The following MARK4 variants were observed in gnomAD, a reference collection of about 807,000 sequenced individuals.
The protein encoded by MARK4 is microtubule affinity regulating kinase 4, also known as MAP/microtubule affinity-regulating kinase 4.
Under a neutral mutation model 81.5 loss-of-function variants are expected in MARK4, and 19 were observed. That is an observed-to-expected ratio of 0.23 (90% confidence interval 0.16 to 0.34). The LOEUF (loss-of-function observed/expected upper bound fraction) is 0.34, where lower values mean the gene tolerates loss of function less well. Ranked by LOEUF, MARK4 falls within the 10% of genes least tolerant of loss-of-function variation. The pLI is 1.00. For missense variants in MARK4, 772 were observed against 1,058.8 expected, an observed-to-expected ratio of 0.73 and a Z score of 3.76; for synonymous variants, 436 against 439.0, an observed-to-expected ratio of 0.99 and a Z score of 0.08.
At chr19:45,266,134 T>C in intron 6 of MARK4, 91 bp from the exon 7 acceptor site, 3 of 1,343,128 alleles carry the variant, frequency 2.2e-6, no homozygotes, top group Non-Finnish European at 3.2e-6. Context: ...TGGGGAGGCC[T>C]GGGGCCCAGC....
intron 14 of MARK4, among the ~76,000 whole-genome samples, chr19:45,295,046 G>A (rs1347166675): frequency 6.6e-6 from 1 of 152,044 alleles, no homozygotes; most frequent in Admixed American, 6.6e-5. Flanking sequence ...AGAGGAATGG[G>A]GTAGTTAACA....
At position 45,265,060 on chromosome 19, in the gene MARK4, A is replaced by T. The variant is rs1439964699; in HGVS notation, c.492+150A>T. On this transcript the variant is annotated intron_variant, in intron 6 of 16. Transcript: ENST00000262891. ...AGGTGCAGAGCTGGGTGTGCTGGGCATATAGTTGCCCAGATGTGAGGGCAT... is the reference window on the plus strand; with the variant it reads ...AGGTGCAGAGCTGGGTGTGCTGGGCTTATAGTTGCCCAGATGTGAGGGCAT... The T allele has an allele frequency of 4.1e-6, 3 of 737,698 alleles. No individual in the cohort carries two copies. The African/African-American group carries it at 5.3e-5, about 13-fold the overall frequency. 45.7% of individuals were successfully genotyped at this position (737,698 alleles called of 1,614,324 possible). A position where few individuals can be genotyped will look rare whatever the true frequency, so the allele number is the denominator to read the frequency against.
chr19:45,271,072 A>G lies in MARK4; in HGVS notation c.550-400A>G, dbSNP rs1478162253. On this transcript the variant is annotated intron_variant, in intron 7 of 16. Coordinates refer to ENST00000262891, the MANE Select transcript of MARK4 (RefSeq NM_001199867.2). This position sits in a 1 kb window ranked among gnomAD's most constrained non-coding sequence, Gnocchi z 4.1. ...GGCGTGAGCCACGGTGCCCAGCCCA[A>G]TTTTTGTATTTTTAGTAGAGATGGG... 6.6e-6 allele frequency among the ~76,000 whole-genome samples: 1 copy of G among 151,812 alleles called. No homozygotes were observed. Among genetic ancestry groups the G allele is most frequent in the African/African-American group, 2.4e-5 (1 of 41,352 alleles).
intron 15 of MARK4, among the ~76,000 whole-genome samples, chr19:45,298,389 G>T (rs930092497): frequency 1.3e-5 from 2 of 152,136 alleles, no homozygotes; most frequent in African/African-American, 4.8e-5. Flanking sequence ...AGACTCGGGG[G>T]TTCAAATGGC....
chr19:45,277,651 G>A (rs894669349), intron 8 of MARK4, among the ~76,000 whole-genome samples: 2 of 151,978 alleles, frequency 1.3e-5, no homozygotes, highest in Middle Eastern at 3.4e-3. Context: ...CTCCGGTCTT[G>A]GCCTCTACGC....
At chr19:45,256,326 A>G (rs892201039) in intron 1 of MARK4, among the ~76,000 whole-genome samples, 7 of 152,186 alleles carry the variant, frequency 4.6e-5, no homozygotes, top group African/African-American at 1.7e-4. Context: ...AATCCCAGCT[A>G]CTCGGGAAAG....
chr19:45,298,111 T>G, intron 15 of MARK4, 157 bp downstream of exon 15: 1 of 1,597,828 alleles, frequency 6.3e-7, no homozygotes, highest in Non-Finnish European at 8.6e-7. Flanking sequence ...CCTCCTCCCC[T>G]GTCACCCCTC....
At chr19:45,272,230 G>T (rs1234917889) in intron 8 of MARK4, among the ~76,000 whole-genome samples, 1 of 152,198 alleles carries the variant, frequency 6.6e-6, no homozygotes, top group Non-Finnish European at 1.5e-5. Flanking sequence ...TACTTGGGAG[G>T]CTGACGCGGG....
At chr19:45,266,428 C>T (rs547765174) in intron 7 of MARK4, 147 bp downstream of exon 7, 796 of 740,508 alleles carry the variant, frequency 1.1e-3, no homozygotes, top group Non-Finnish European at 1.6e-3. Context: ...CCCAGCACCC[C>T]CTTGACCCTT....
At position 45,251,491 on chromosome 19, in the gene MARK4, C is replaced by T. The variant is rs1235916770; in HGVS notation, c.-98C>T. The T allele has an allele frequency of 4.2e-6, 3 of 716,428 alleles. No homozygotes were observed. The highest frequency in any genetic ancestry group is 2.4e-5 in the South Asian group (1 of 42,528). 44.4% of individuals were successfully genotyped at this position (716,428 alleles called of 1,614,324 possible). A position where few individuals can be genotyped will look rare whatever the true frequency, so the allele number is the denominator to read the frequency against. ...GTTCTCGGCGCCCAGCTTTTGAGCTCGCGTCCCCAGGCCGGCGGGGGGGGA... is the reference window on the plus strand; with the variant it reads ...GTTCTCGGCGCCCAGCTTTTGAGCTTGCGTCCCCAGGCCGGCGGGGGGGGA... On this transcript the variant is annotated 5_prime_UTR_variant, in exon 1 of 17. Transcript: ENST00000262891.
chr19:45,297,873 A>G lies in MARK4; in HGVS notation c.1796A>G (p.His599Arg). Residue 599 changes from histidine (H) to arginine (R), a missense_variant, in exon 15 of 17, where the codon CAT (histidine) becomes CGT (arginine). Transcript: ENST00000262891. Reference sequence around the variant, plus strand: ...CCCCCTGCCTCTCCCACACTGGCCCATGAGGCTGCACCCCTGCCCGCCGGG... The same window carrying G: ...CCCCCTGCCTCTCCCACACTGGCCCGTGAGGCTGCACCCCTGCCCGCCGGG... Reference protein sequence around the residue: ...NGPPASPTLAHEAAPLPAGRP... With the variant: ...NGPPASPTLAREAAPLPAGRP... 1 of 1,478,496 alleles carries G rather than the reference A, an allele frequency of 6.8e-7. No homozygotes were observed. The highest frequency in any genetic ancestry group is 9.1e-7 in the Non-Finnish European group (1 of 1,102,366). The allele number at this position is 1,478,496 out of a possible 1,614,324, so 91.6% of individuals were successfully genotyped here. A position where few individuals can be genotyped will look rare whatever the true frequency, so the allele number is the denominator to read the frequency against.
chr19:45,288,849 C>CA lies in MARK4; in HGVS notation c.1494+1203dup, dbSNP rs34269496. ...TGGGTGACAGAGCAAGACTCTGTCT[C>CA]AAAAAAAAAAAAAAAAAAGTCGTGG... On this transcript the variant is annotated intron_variant, in intron 13 of 16. Transcript: ENST00000262891. Among the ~76,000 whole-genome samples, 787 of 102,960 alleles carry CA rather than the reference C, an allele frequency of 7.6e-3. 25 individuals carry two copies. The highest frequency in any genetic ancestry group is 0.05 in the Middle Eastern group (10 of 200). 67.5% of individuals were successfully genotyped at this position (102,960 alleles called of 152,430 possible). A position where few individuals can be genotyped will look rare whatever the true frequency, so the allele number is the denominator to read the frequency against.
chr19:45,279,656 G>A (rs1369228183), intron 10 of MARK4, among the ~76,000 whole-genome samples: 1 of 152,162 alleles, frequency 6.6e-6, no homozygotes, highest in Non-Finnish European at 1.5e-5. Flanking sequence ...AAAATTGTCA[G>A]TACCACCAAT....
Position 45,303,184 on chromosome 19 carries a change from A to T in MARK4, c.*474A>T, listed in dbSNP as rs1971001856. 1 of 183,710 alleles carries T rather than the reference A, an allele frequency of 5.4e-6. No homozygotes were observed. The highest frequency in any genetic ancestry group is 2.4e-5 in the African/African-American group (1 of 41,578). The allele number at this position is 183,710 out of a possible 1,614,324, so 11.4% of individuals were successfully genotyped here. On this transcript the variant is annotated 3_prime_UTR_variant, in exon 17 of 17. Transcript: ENST00000262891. ...CGCTCAAACCCCCACTTCCTGCCCC[A>T]GGCTGGCGCGGGGCACTTTGTACAA...
intron 12 of MARK4, among the ~76,000 whole-genome samples, chr19:45,285,015 C>T (rs914566867): frequency 1.3e-4 from 20 of 151,926 alleles, no homozygotes; most frequent in African/African-American, 4.4e-4. Flanking sequence ...TGCTGGAACC[C>T]GGGAGGCAGA....
chr19:45,254,181 GC>G (rs1970279052), intron 1 of MARK4, among the ~76,000 whole-genome samples: 1 of 152,174 alleles, frequency 6.6e-6, no homozygotes, highest in Non-Finnish European at 1.5e-5. Flanking sequence ...AGGTTCCCTA[GC>G]AACAGTCCCG....
chr19:45,257,164 A>G (rs1381761254), intron 1 of MARK4, among the ~76,000 whole-genome samples: 3 of 151,134 alleles, frequency 2.0e-5, no homozygotes, highest in Admixed American at 1.3e-4. Flanking sequence ...GTCTCGCTTC[A>G]TTGCCCAGGC....
chr19:45,292,849 G>A (rs1190723488), intron 13 of MARK4, among the ~76,000 whole-genome samples: 3 of 152,074 alleles, frequency 2.0e-5, no homozygotes, highest in Admixed American at 6.6e-5. Context: ...TCCAGCCTAG[G>A]CATCAGAACA....
At chr19:45,254,790 C>T (rs977083133) in intron 1 of MARK4, among the ~76,000 whole-genome samples, 1 of 152,250 alleles carries the variant, frequency 6.6e-6, no homozygotes, top group African/African-American at 2.4e-5. Context: ...CCTTCCCTCT[C>T]CAAGGCTCAG....
Sources: gnomAD v4.1 joint callset for allele counts (sites outside exome capture counted in the v4.1 genomes callset) on GRCh38, gnomAD v4.1.1 for gene constraint, Gnocchi (gnomAD v3.1) non-coding constraint, MANE v1.5 for transcripts, NCBI Gene and HGNC (gene_info 2026-07-23, HGNC 2026-07-21) for gene names.